Variants in RAP1GAP2 observed in about 807,000 individuals in gnomAD.
The protein encoded by RAP1GAP2 is rap1 GTPase-activating protein 2.
A neutral mutation model predicts 95.0 loss-of-function variants in RAP1GAP2; 27 were observed. The observed-to-expected ratio is 0.28, with a 90% CI of 0.21 to 0.39. The LOEUF is 0.39. Among genes scored for constraint, RAP1GAP2 ranks in the 10% least tolerant of loss-of-function variants. The pLI is 1.00. For missense variants in RAP1GAP2, 771 were observed against 970.0 expected (o/e 0.79, Z 2.72); for synonymous variants, 373 against 380.9 (o/e 0.98, Z 0.24).
At position 2,990,348 on chromosome 17, in the gene RAP1GAP2, C is replaced by G. The variant is rs185461106; in HGVS notation, c.814-949C>G. Among the ~76,000 whole-genome samples the G allele has an allele frequency of 4.2e-3, 646 of 152,248 alleles. 6 individuals are homozygous for G. Among genetic ancestry groups the G allele is most frequent in the African/African-American group, 0.015 (611 of 41,542 alleles). On this transcript the variant is annotated intron_variant, in intron 11 of 24. Transcript: ENST00000254695. ...TGGATCATTTGGTGACTCTGTTTAG[C>G]CTTTGGCACATGCCCGGGAGCAAAG...
chr17:2,866,085 A>G lies in RAP1GAP2; in HGVS notation c.81-39199A>G, dbSNP rs2072600519. Among the ~76,000 whole-genome samples the G allele has an allele frequency of 6.6e-6, 1 of 152,188 alleles. No homozygotes were observed. The highest frequency in any genetic ancestry group is 1.5e-5 in the Non-Finnish European group (1 of 68,042). ...TGCAGGGAGCCCTGGAGGTCAGAAG[A>G]AAGGGGGACCGCCCAAGGAAGGCTG... On this transcript the variant is annotated intron_variant, in intron 2 of 24. Transcript: ENST00000254695. The surrounding 1 kb of genome is among the most constrained non-coding windows in gnomAD (Gnocchi z 4.0).
chr17:2,890,786 A>G (rs528154400), intron 2 of RAP1GAP2, among the ~76,000 whole-genome samples: 7 of 150,130 alleles, frequency 4.7e-5, no homozygotes, highest in South Asian at 2.1e-4. Flanking sequence ...CTGGGTTCAC[A>G]CCATTCTCCT....
At chr17:2,953,647 G>T (rs1053363057) in intron 3 of RAP1GAP2, among the ~76,000 whole-genome samples, 5 of 152,256 alleles carry the variant, frequency 3.3e-5, no homozygotes, top group South Asian at 2.1e-4. Flanking sequence ...AGGAGTTCAA[G>T]ACCAGCCTGG....
At chr17:2,832,317 G>A (rs532300899) in intron 2 of RAP1GAP2, among the ~76,000 whole-genome samples, 2 of 151,952 alleles carry the variant, frequency 1.3e-5, no homozygotes, top group East Asian at 1.9e-4. Context: ...CCAGCACTTT[G>A]GGAGGCCAAG....
intron 3 of RAP1GAP2, among the ~76,000 whole-genome samples, chr17:2,950,636 A>C (rs1379248006): frequency 7.9e-6 from 1 of 126,324 alleles, no homozygotes; most frequent in Non-Finnish European, 1.6e-5. Flanking sequence ...TTTGAGACAG[A>C]GTCTTGCTCT....
At chr17:3,010,246 A>G (rs2046476121) in intron 17 of RAP1GAP2, among the ~76,000 whole-genome samples, 2 of 148,784 alleles carry the variant, frequency 1.3e-5, no homozygotes, top group Non-Finnish European at 1.5e-5. Flanking sequence ...AGGCTGAGGC[A>G]GGAGAATCAC....
chr17:2,803,764 G>A (rs4383182), intron 2 of RAP1GAP2, among the ~76,000 whole-genome samples: 86,692 of 151,940 alleles, frequency 0.57, 25,011 homozygotes, highest in East Asian at 0.68. Flanking sequence ...CTGTAGCCCC[G>A]GCTACTTGGG....
At chr17:2,951,165 AG>A (rs1437177907) in intron 3 of RAP1GAP2, among the ~76,000 whole-genome samples, 6 of 152,192 alleles carry the variant, frequency 3.9e-5, no homozygotes, top group Non-Finnish European at 7.3e-5. Flanking sequence ...TCTGATCTTC[AG>A]GATGTCTGAC....
At chr17:2,886,917 C>T (rs753023657) in intron 2 of RAP1GAP2, among the ~76,000 whole-genome samples, 9 of 152,182 alleles carry the variant, frequency 5.9e-5, no homozygotes, top group Non-Finnish European at 1.0e-4. Flanking sequence ...AATCACTTAC[C>T]GTCTCTGAGC....
intron 1 of RAP1GAP2, among the ~76,000 whole-genome samples, chr17:2,769,833 G>C (rs547130792): frequency 6.6e-6 from 1 of 152,122 alleles, no homozygotes; most frequent in East Asian, 1.9e-4. Context: ...AGGACTTTGG[G>C]AGGCCAAGGC....
intron 2 of RAP1GAP2, among the ~76,000 whole-genome samples, chr17:2,847,198 G>A (rs565750892): frequency 2.0e-4 from 30 of 152,198 alleles, no homozygotes; most frequent in African/African-American, 4.6e-4. Flanking sequence ...GAGTAGAGAC[G>A]GGGTTTCACC....
chr17:2,967,901 C>G (rs2044687289), intron 8 of RAP1GAP2, among the ~76,000 whole-genome samples: 2 of 152,138 alleles, frequency 1.3e-5, no homozygotes, highest in African/African-American at 4.8e-5. Flanking sequence ...ATTCTAACAG[C>G]CTGTGTGTGC....
intron 1 of RAP1GAP2, among the ~76,000 whole-genome samples, chr17:2,763,904 C>A (rs2068230932): frequency 2.6e-5 from 4 of 151,868 alleles, no homozygotes; most frequent in Admixed American, 6.6e-5. Context: ...GCTCTTCTTT[C>A]AGCCTGGGGA....
intron 3 of RAP1GAP2, among the ~76,000 whole-genome samples, chr17:2,927,374 CG>C (rs1447429269): frequency 6.6e-6 from 1 of 151,628 alleles, no homozygotes; most frequent in Non-Finnish European, 1.5e-5. Flanking sequence ...AGGATGGTCT[CG>C]ATCTCCTGAC....
intron 2 of RAP1GAP2, among the ~76,000 whole-genome samples, chr17:2,826,275 G>T (rs1015892423): frequency 6.7e-6 from 1 of 150,344 alleles, no homozygotes; most frequent in South Asian, 2.1e-4. Context: ...GATTACAGGC[G>T]TGAGCCACCA....
intron 10 of RAP1GAP2, among the ~76,000 whole-genome samples, chr17:2,984,380 T>TG (rs1395560697): frequency 1.3e-5 from 2 of 152,112 alleles, no homozygotes; most frequent in African/African-American, 4.8e-5. Context: ...CGAAAAAACT[T>TG]GGAGTTTAAT....
At position 3,027,006 on chromosome 17, in the gene RAP1GAP2, G is replaced by A. The variant is rs200373335; in HGVS notation, c.2043G>A (p.Pro681=). ...AGGTGTTTGTCTACAGCCCGTCCCCGAGCAGCGAGAGCCCCAGCCTGGGGG... is the reference window on the plus strand; with the variant it reads ...AGGTGTTTGTCTACAGCCCGTCCCCAAGCAGCGAGAGCCCCAGCCTGGGGG... ...KQEVFVYSPS[P]SSESPSLGAA... Residue 681 remains proline (P), a synonymous_variant, in exon 22 of 25, where the codon CCG becomes CCA. Coordinates refer to ENST00000254695, the MANE Select transcript of RAP1GAP2 (RefSeq NM_015085.5). This position sits in a 1 kb window ranked among gnomAD's most constrained non-coding sequence, Gnocchi z 5.2. The A allele has an allele frequency of 3.9e-5, 61 of 1,565,186 alleles. No homozygotes were observed. The highest frequency in any genetic ancestry group is 5.7e-5 in the Admixed American group (3 of 52,880).
chr17:2,843,504 C>G (rs1567700747), intron 2 of RAP1GAP2, among the ~76,000 whole-genome samples: 2 of 151,964 alleles, frequency 1.3e-5, no homozygotes, highest in Non-Finnish European at 2.9e-5. Context: ...CCAGGCTGGT[C>G]TCGAACTCCT....
intron 13 of RAP1GAP2, 123 bp from the exon 14 acceptor site, chr17:2,998,098 C>T (rs555881267): frequency 1.6e-5 from 18 of 1,131,426 alleles, no homozygotes; most frequent in South Asian, 1.3e-4. Context: ...ACAACAACCA[C>T]GAACTCTTCT....
Sources: gnomAD v4.1 joint callset for allele counts (sites outside exome capture counted in the v4.1 genomes callset) on GRCh38, gnomAD v4.1.1 for gene constraint, Gnocchi (gnomAD v3.1) non-coding constraint, MANE v1.5 for transcripts, NCBI Gene and HGNC (gene_info 2026-07-23, HGNC 2026-07-21) for gene names.